DPYD: variants seen among roughly 807,000 people sequenced by gnomAD.
DPYD encodes the protein dihydropyrimidine dehydrogenase [NADP(+)].
In DPYD, 109 loss-of-function variants were observed where a neutral mutation model predicts 116.2. The observed-to-expected ratio is 0.94, with a 90% CI of 0.80 to 1.10. DPYD has a LOEUF of 1.10. DPYD is among the 50% of genes least tolerant of loss of function. The probability of loss-of-function intolerance (pLI) is 0.00; values close to 1 mark genes in which losing one functional copy is unlikely to be tolerated. For synonymous variants in DPYD, 440 were observed against 432.0 expected, an observed-to-expected ratio of 1.02 and a Z score of -0.23; for missense variants, 1,302 against 1,254.5, an observed-to-expected ratio of 1.04 and a Z score of -0.57.
intron 16 of DPYD, among the ~76,000 whole-genome samples, chr1:97,352,539 A>G (rs1216709549): frequency 6.6e-6 from 1 of 151,396 alleles, no homozygotes; most frequent in African/African-American, 2.4e-5. Context: ...AGAAAAGAGG[A>G]AAATATTGAA....
intron 3 of DPYD, among the ~76,000 whole-genome samples, chr1:97,760,116 A>AT: frequency 6.6e-6 from 1 of 152,296 alleles, no homozygotes; most frequent in South Asian, 2.1e-4. Context: ...AGAAGTACGT[A>AT]AAGCACTCAG....
intron 19 of DPYD, among the ~76,000 whole-genome samples, chr1:97,219,884 A>G (rs1231398755): frequency 6.6e-6 from 1 of 152,090 alleles, no homozygotes; most frequent in East Asian, 1.9e-4. Flanking sequence ...ATCTCTGCCT[A>G]TGTCTTTCTC....
chr1:97,881,474 C>A lies in DPYD; in HGVS notation c.150+1790G>T, dbSNP rs1672216958. Reference sequence around the variant, plus strand: ...CATCCCTAGGTATAGCATCACAGGTCCAAATGAATATTGTCAAAGATATTG... The same window carrying A: ...CATCCCTAGGTATAGCATCACAGGTACAAATGAATATTGTCAAAGATATTG... On this transcript the variant is annotated intron_variant, in intron 2 of 22. Coordinates refer to ENST00000370192, the MANE Select transcript of DPYD (RefSeq NM_000110.4). 2.0e-5 allele frequency among the ~76,000 whole-genome samples: 3 copies of A among 151,838 alleles called. No individual in the cohort carries two copies. In the South Asian group the frequency reaches 6.2e-4, roughly 31 times the overall value.
chr1:97,417,073 G>A (rs1674327601), intron 14 of DPYD, among the ~76,000 whole-genome samples: 1 of 152,056 alleles, frequency 6.6e-6, no homozygotes, highest in African/African-American at 2.4e-5. Context: ...ATTTAAAAAT[G>A]AACATATTTC....
At chr1:97,883,909 G>A (rs753335701) in intron 1 of DPYD, 10 of 448,660 alleles carry the variant, frequency 2.2e-5, no homozygotes, top group Admixed American at 8.0e-5. Context: ...AATCAAGTGA[G>A]GAATCCTATA....
intron 14 of DPYD, among the ~76,000 whole-genome samples, chr1:97,403,263 C>G (rs957677355): frequency 3.9e-5 from 6 of 152,034 alleles, no homozygotes. Flanking sequence ...GTGGAGTTAT[C>G]TAGACATATC....
intron 13 of DPYD, among the ~76,000 whole-genome samples, chr1:97,505,533 T>A (rs1156600655): frequency 2.0e-5 from 3 of 151,650 alleles, no homozygotes; most frequent in Non-Finnish European, 2.9e-5. Context: ...GCATATTAAG[T>A]AACATTTTAG....
At chr1:97,830,367 A>G (rs541173487) in intron 2 of DPYD, among the ~76,000 whole-genome samples, 1 of 152,254 alleles carries the variant, frequency 6.6e-6, no homozygotes, top group South Asian at 2.1e-4. Context: ...TTACTTGACT[A>G]TCTAGTTTTT....
chr1:97,149,083 A>G (rs1168148245), intron 20 of DPYD, among the ~76,000 whole-genome samples: 2 of 152,190 alleles, frequency 1.3e-5, no homozygotes, highest in African/African-American at 2.4e-5. Flanking sequence ...GACAAAAATT[A>G]GCAATCTTTT....
At chr1:97,418,697 A>G (rs141039793) in intron 14 of DPYD, among the ~76,000 whole-genome samples, 43 of 152,322 alleles carry the variant, frequency 2.8e-4, no homozygotes, top group African/African-American at 1.0e-3. Flanking sequence ...TCAATGAAAT[A>G]TACAACAGTA....
At chr1:97,134,182 T>A (rs1383501827) in intron 20 of DPYD, among the ~76,000 whole-genome samples, 2 of 151,062 alleles carry the variant, frequency 1.3e-5, no homozygotes, top group Non-Finnish European at 2.9e-5. Flanking sequence ...GGGTTTTATA[T>A]AGCTGGCTCT....
intron 10 of DPYD, among the ~76,000 whole-genome samples, chr1:97,588,095 G>A (rs924594778): frequency 9.9e-5 from 15 of 151,956 alleles, no homozygotes; most frequent in African/African-American, 1.4e-4. Flanking sequence ...TGAGCAATCC[G>A]GTATTGTTAT....
intron 2 of DPYD, among the ~76,000 whole-genome samples, chr1:97,850,158 A>G (rs2101562521): frequency 6.6e-6 from 1 of 152,342 alleles, no homozygotes; most frequent in East Asian, 1.9e-4. Context: ...AAGGGAAATG[A>G]GTCATCTGTT....
At chr1:97,729,187 C>G (rs1241852096) in intron 4 of DPYD, among the ~76,000 whole-genome samples, 1 of 152,038 alleles carries the variant, frequency 6.6e-6, no homozygotes, top group Non-Finnish European at 1.5e-5. Flanking sequence ...GGAACAAAAA[C>G]ACAGGCACAT....
intron 5 of DPYD, among the ~76,000 whole-genome samples, chr1:97,703,797 T>G (rs910268587): frequency 6.6e-6 from 1 of 152,072 alleles, no homozygotes; most frequent in Non-Finnish European, 1.5e-5. Flanking sequence ...ATAAATAATT[T>G]AGAGGCAGTG....
At chr1:97,215,711 C>T (rs1660331439) in intron 19 of DPYD, among the ~76,000 whole-genome samples, 1 of 152,174 alleles carries the variant, frequency 6.6e-6, no homozygotes, top group African/African-American at 2.4e-5. Flanking sequence ...GTGCATACCA[C>T]ATTCCTCCTG....
intron 18 of DPYD, among the ~76,000 whole-genome samples, chr1:97,301,814 TCA>T (rs1006303500): frequency 2.6e-5 from 4 of 151,960 alleles, no homozygotes; most frequent in African/African-American, 9.7e-5. Flanking sequence ...TGTGAAAATG[TCA>T]CACCACAGCT....
intron 14 of DPYD, among the ~76,000 whole-genome samples, chr1:97,417,546 A>G (rs1674350335): frequency 6.6e-6 from 1 of 152,212 alleles, no homozygotes. Context: ...AGATTGAAGG[A>G]AATGTTCATT....
intron 5 of DPYD, among the ~76,000 whole-genome samples, chr1:97,715,695 T>A (rs993138448): frequency 2.0e-5 from 3 of 152,126 alleles, no homozygotes; most frequent in African/African-American, 7.2e-5. Context: ...GCAATCAACA[T>A]AATACACAGC....
Sources: allele counts gnomAD v4.1 joint callset (sites outside exome capture counted in the v4.1 genomes callset), GRCh38; gene constraint gnomAD v4.1.1; transcripts MANE v1.5; gene names NCBI Gene and HGNC (gene_info 2026-07-23, HGNC 2026-07-21).